ADGRL3: variants seen among roughly 807,000 people sequenced by gnomAD.
ADGRL3 encodes adhesion G protein-coupled receptor L3.
In ADGRL3, 62 loss-of-function variants were observed where a neutral mutation model predicts 153.5. The observed-to-expected ratio is 0.40, with a 90% CI of 0.33 to 0.50. ADGRL3 has a LOEUF of 0.50. ADGRL3 is among the 20% of genes least tolerant of loss of function. The pLI, the probability that ADGRL3 is intolerant of heterozygous loss-of-function variation, is 0.47. For synonymous variants in ADGRL3, 710 were observed against 672.5 expected, an observed-to-expected ratio of 1.06 and a Z score of -0.86; for missense variants, 1,641 against 1,859.4, an observed-to-expected ratio of 0.88 and a Z score of 2.16.
chr4:61,311,537 C>A (rs1438537193), intron 1 of ADGRL3, among the ~76,000 whole-genome samples: 1 of 152,192 alleles, frequency 6.6e-6, no homozygotes, highest in Non-Finnish European at 1.5e-5. Context: ...TATGAACTCA[C>A]ATAATACAAC....
chr4:61,270,840 T>C (rs1336245727), intron 1 of ADGRL3, among the ~76,000 whole-genome samples: 2 of 151,660 alleles, frequency 1.3e-5, no homozygotes. Context: ...TGAGACTTCA[T>C]TTTGGAAGAC....
intron 9 of ADGRL3, among the ~76,000 whole-genome samples, chr4:61,855,649 G>A (rs895867924): frequency 6.6e-6 from 1 of 151,952 alleles, no homozygotes; most frequent in African/African-American, 2.4e-5. Context: ...TAAATATATG[G>A]AGACCTTAAT....
At chr4:62,003,803 CT>C (rs1260076237) in intron 21 of ADGRL3, among the ~76,000 whole-genome samples, 3 of 152,002 alleles carry the variant, frequency 2.0e-5, no homozygotes, top group African/African-American at 7.2e-5. Context: ...CCAAACTTAT[CT>C]TATTATGAAA....
intron 4 of ADGRL3, among the ~76,000 whole-genome samples, chr4:61,539,878 C>T (rs2148610817): frequency 6.6e-6 from 1 of 152,240 alleles, no homozygotes; most frequent in East Asian, 1.9e-4. Context: ...CTTTCTGCTT[C>T]CCTTTTCTGT....
intron 17 of ADGRL3, among the ~76,000 whole-genome samples, chr4:61,952,047 G>A (rs1021350422): frequency 2.0e-5 from 3 of 152,096 alleles, no homozygotes; most frequent in African/African-American, 7.2e-5. Context: ...TATAGAGGTC[G>A]ATAGAAAGGC....
intron 1 of ADGRL3, among the ~76,000 whole-genome samples, chr4:61,266,900 T>G (rs2092879852): frequency 6.6e-6 from 1 of 151,682 alleles, no homozygotes; most frequent in Non-Finnish European, 1.5e-5. Context: ...AAATCATAAT[T>G]TCATTAATGG....
intron 4 of ADGRL3, among the ~76,000 whole-genome samples, chr4:61,539,523 G>A (rs2098677846): frequency 6.6e-6 from 1 of 152,160 alleles, no homozygotes; most frequent in African/African-American, 2.4e-5. Flanking sequence ...GTGTGCTCTG[G>A]GGTCTTTTTG....
intron 6 of ADGRL3, among the ~76,000 whole-genome samples, chr4:61,687,335 A>G (rs1436635849): frequency 1.3e-5 from 2 of 152,106 alleles, no homozygotes; most frequent in Non-Finnish European, 1.5e-5. Flanking sequence ...AGTAGTTCCA[A>G]TCTAATTACA....
intron 1 of ADGRL3, among the ~76,000 whole-genome samples, chr4:61,374,634 A>G (rs942991435): frequency 1.3e-5 from 2 of 152,164 alleles, no homozygotes; most frequent in Admixed American, 6.5e-5. Flanking sequence ...GGGGCAGAGA[A>G]AAAAGGAGAA....
At chr4:61,925,265 T>G (rs1445431363) in intron 13 of ADGRL3, among the ~76,000 whole-genome samples, 3 of 152,192 alleles carry the variant, frequency 2.0e-5, no homozygotes, top group Non-Finnish European at 2.9e-5. Flanking sequence ...TCTGACTGCT[T>G]ACTCTTTCAT....
At position 62,070,555 on chromosome 4, in the gene ADGRL3, G is replaced by C; in HGVS notation, c.4279G>C (p.Asp1427His). The change falls in exon 27 of 27, where the codon GAC becomes CAC. Residue 1427 changes from aspartate to histidine, a missense_variant. Transcript: ENST00000683033. The stretch of plus-strand genomic sequence containing the variant: ...TTATACCAGAAGGCGGATCCCCCAA[G>C]ACCACAGTGAGAGCTTTTTCCCTTT... ...HHYTRRRIPQ[D>H]HSESFFPLLT... 6.5e-7 allele frequency: 1 copy of C among 1,548,956 alleles called. No individual in the cohort carries two copies. The highest frequency in any genetic ancestry group is 2.5e-5 in the East Asian group (1 of 40,698).
chr4:61,394,306 A>G lies in ADGRL3; in HGVS notation c.-174+11117A>G, dbSNP rs528924519. Among the ~76,000 whole-genome samples, 4 of 152,144 alleles carry G rather than the reference A, an allele frequency of 2.6e-5. No individual in the cohort carries two copies. In the East Asian group the frequency reaches 7.7e-4, roughly 29 times the overall value. ...ACATATCATATTGTTCTCTTAAAGA[A>G]TAAGATCTCTAAAGAGTGTAAGACA... On this transcript the variant is annotated intron_variant, in intron 2 of 26. Coordinates refer to ENST00000683033, the MANE Select transcript of ADGRL3 (RefSeq NM_001387552.1).
At chr4:62,055,465 GCA>G (rs906402050) in intron 25 of ADGRL3, among the ~76,000 whole-genome samples, 2 of 151,692 alleles carry the variant, frequency 1.3e-5, no homozygotes, top group Non-Finnish European at 3.0e-5. Flanking sequence ...TATTAAAAGT[GCA>G]CAGTGTGATA....
At chr4:61,408,164 A>G (rs2097028207) in intron 2 of ADGRL3, among the ~76,000 whole-genome samples, 2 of 152,104 alleles carry the variant, frequency 1.3e-5, no homozygotes, top group African/African-American at 4.8e-5. Context: ...GGGAAATCTC[A>G]CCAGAATTTA....
At chr4:61,672,958 A>G (rs1253269669) in intron 5 of ADGRL3, among the ~76,000 whole-genome samples, 1 of 151,992 alleles carries the variant, frequency 6.6e-6, no homozygotes. Context: ...GATAAAAAGT[A>G]AATGTGGTAT....
intron 9 of ADGRL3, among the ~76,000 whole-genome samples, chr4:61,872,822 AT>A (rs2098453684): frequency 6.6e-6 from 1 of 152,152 alleles, no homozygotes; most frequent in African/African-American, 2.4e-5. Flanking sequence ...AAAAGTAACA[AT>A]TTTTTATTTG....
At chr4:61,669,376 G>A (rs947491174) in intron 5 of ADGRL3, among the ~76,000 whole-genome samples, 1 of 152,114 alleles carries the variant, frequency 6.6e-6, no homozygotes, top group Non-Finnish European at 1.5e-5. Context: ...CTACTGTCTT[G>A]AGGAGGAAAA....
At chr4:61,450,894 G>A (rs1294952001) in intron 2 of ADGRL3, among the ~76,000 whole-genome samples, 1 of 152,016 alleles carries the variant, frequency 6.6e-6, no homozygotes, top group Non-Finnish European at 1.5e-5. Context: ...GCTTCCCAGA[G>A]AAGAGTGAAT....
intron 9 of ADGRL3, among the ~76,000 whole-genome samples, chr4:61,853,690 CT>C (rs1378624300): frequency 6.6e-6 from 1 of 152,166 alleles, no homozygotes; most frequent in Non-Finnish European, 1.5e-5. Flanking sequence ...AAGCTACCTT[CT>C]AAAGCTGTTT....
Sources: allele counts gnomAD v4.1 joint callset (sites outside exome capture counted in the v4.1 genomes callset), GRCh38; gene constraint gnomAD v4.1.1; transcripts MANE v1.5; gene names NCBI Gene and HGNC (gene_info 2026-07-23, HGNC 2026-07-21).